CCDC62: variants seen among roughly 807,000 people sequenced by gnomAD.
CCDC62 encodes the protein coiled-coil domain-containing protein 62.
A neutral mutation model predicts 80.8 loss-of-function variants in CCDC62; 72 were observed. The ratio of observed to expected loss-of-function variants is 0.89; its 90% CI spans 0.74 to 1.08. The LOEUF (loss-of-function observed/expected upper bound fraction) is 1.08. CCDC62 is among the 50% of genes least tolerant of loss of function. The pLI is 0.00. For missense variants in CCDC62, 704 were observed against 809.4 expected (o/e 0.87, Z 1.58); for synonymous variants, 286 against 296.5 (o/e 0.96, Z 0.36).
chr12:122,781,640 G>A (rs1043366714), intron 3 of CCDC62, among the ~76,000 whole-genome samples: 17 of 151,688 alleles, frequency 1.1e-4, no homozygotes, highest in South Asian at 6.2e-4. Context: ...AGCCAAGATC[G>A]CGCCATTGCA....
chr12:122,791,869 G>A (rs2030629772), intron 5 of CCDC62, 151 bp from the exon 6 acceptor site: 2 of 633,142 alleles, frequency 3.2e-6, no homozygotes, highest in Non-Finnish European at 5.6e-6. Context: ...TCCTTGCCAG[G>A]TGTGGAGATG....
chr12:122,775,614 CTTAT>C (rs914862300), intron 1 of CCDC62, among the ~76,000 whole-genome samples: 85 of 152,188 alleles, frequency 5.6e-4, no homozygotes, highest in African/African-American at 1.8e-3. Flanking sequence ...ATTCATCATT[CTTAT>C]TTATTTATTT....
At chr12:122,789,974 C>T (rs145656712) in intron 5 of CCDC62, among the ~76,000 whole-genome samples, 157 of 152,008 alleles carry the variant, frequency 1.0e-3, no homozygotes, top group African/African-American at 3.5e-3. Flanking sequence ...TTATATACAC[C>T]GAGGTAAAAT....
At chr12:122,787,090 G>T (rs1383211771) in intron 4 of CCDC62, among the ~76,000 whole-genome samples, 1 of 152,198 alleles carries the variant, frequency 6.6e-6, no homozygotes, top group Non-Finnish European at 1.5e-5. Flanking sequence ...AAAGCTATAG[G>T]TATGTCTGAA....
chr12:122,783,559 C>T (rs541846402), intron 3 of CCDC62, among the ~76,000 whole-genome samples: 170 of 152,022 alleles, frequency 1.1e-3, no homozygotes, highest in African/African-American at 4.0e-3. Flanking sequence ...ATTTCATATA[C>T]GTCTTGGTAA....
chr12:122,792,821 T>G (rs2030712130), intron 6 of CCDC62, among the ~76,000 whole-genome samples: 1 of 152,144 alleles, frequency 6.6e-6, no homozygotes, highest in Non-Finnish European at 1.5e-5. Flanking sequence ...CCAGGCCTTT[T>G]TGTTTGTTTT....
Position 122,792,074 on chromosome 12 carries a change from G to C in CCDC62, c.725G>C (p.Arg242Pro). 1 of 1,613,924 alleles carries C rather than the reference G, an allele frequency of 6.2e-7. No individual in the cohort carries two copies. The highest frequency in any genetic ancestry group is 8.5e-7 in the Non-Finnish European group (1 of 1,179,906). ...AATGAGCAACGAGAAGAGATCATTC[G>C]CCTCAAGCAAGAGAAAAGTTGCCTG... Reference protein sequence around the residue: ...ENNEQREEIIRLKQEKSCLHD... With the variant: ...ENNEQREEIIPLKQEKSCLHD... Residue 242 changes from arginine to proline, a missense_variant, in exon 6 of 13, where the codon CGC becomes CCC. Coordinates refer to ENST00000253079, the MANE Select transcript of CCDC62 (RefSeq NM_201435.5).
intron 6 of CCDC62, among the ~76,000 whole-genome samples, chr12:122,792,472 C>A (rs1351342029): frequency 1.3e-5 from 2 of 151,516 alleles, no homozygotes; most frequent in Non-Finnish European, 2.9e-5. Flanking sequence ...GATCTACGGG[C>A]CTTGGCCTTC....
chr12:122,781,183 T>G lies in CCDC62; in HGVS notation c.249T>G (p.Thr83=). Residue 83 remains threonine (T), a synonymous_variant, in exon 3 of 13, where the codon ACT becomes ACG. Transcript: ENST00000253079. The part of the protein sequence containing the change: ...SKLEGELHKR[T]EIIRSLTKKV... Reference sequence around the variant, plus strand: ...CCTCAGGTGAACTACATAAAAGAACTGAAATAATCAGGTCACTCACGAAGA... The same window carrying G: ...CCTCAGGTGAACTACATAAAAGAACGGAAATAATCAGGTCACTCACGAAGA... 6.2e-7 allele frequency: 1 copy of G among 1,613,208 alleles called. No homozygotes were observed. The highest frequency in any genetic ancestry group is 8.5e-7 in the Non-Finnish European group (1 of 1,179,734).
rs1050832072 is a variant in CCDC62 at position 122,827,124 on chromosome 12, T to G, written c.*743T>G. 13 of 152,206 alleles carry G rather than the reference T, an allele frequency of 8.5e-5. No homozygotes were observed. Among genetic ancestry groups the G allele is most frequent in the African/African-American group, 2.9e-4 (12 of 41,464 alleles). 9.4% of individuals were successfully genotyped at this position (152,206 alleles called of 1,614,324 possible). On this transcript the variant is annotated 3_prime_UTR_variant, in exon 13 of 13. Coordinates refer to ENST00000253079, the MANE Select transcript of CCDC62 (RefSeq NM_201435.5). ...TTTAACTTGTAAAGTAATTTAATTT[T>G]TTAAAGATTATACTATATGCCTCTG...
chr12:122,821,184 T>C (rs187522435), intron 11 of CCDC62, among the ~76,000 whole-genome samples: 6 of 152,308 alleles, frequency 3.9e-5, no homozygotes, highest in Admixed American at 6.5e-5. Context: ...GCTTAACTAC[T>C]GACCACTGTT....
chr12:122,806,102 A>T, intron 9 of CCDC62, 49 bp from the exon 10 acceptor site: 2 of 1,544,046 alleles, frequency 1.3e-6, no homozygotes, highest in Non-Finnish European at 1.8e-6. Context: ...TGATCTATGT[A>T]TGATATTGTT....
chr12:122,802,163 G>T (rs1184002326), intron 9 of CCDC62, among the ~76,000 whole-genome samples: 1 of 152,138 alleles, frequency 6.6e-6, no homozygotes, highest in Non-Finnish European at 1.5e-5. Flanking sequence ...AAGCAAACGG[G>T]TGGATCGCTG....
At chr12:122,794,366 T>A (rs2030809120) in intron 6 of CCDC62, among the ~76,000 whole-genome samples, 1 of 151,916 alleles carries the variant, frequency 6.6e-6, no homozygotes, top group African/African-American at 2.4e-5. Flanking sequence ...GCCTAATTTT[T>A]AAATTTTTTG....
intron 10 of CCDC62, among the ~76,000 whole-genome samples, chr12:122,811,886 G>A (rs2031908455): frequency 6.8e-6 from 1 of 146,148 alleles, no homozygotes; most frequent in South Asian, 2.2e-4. Flanking sequence ...GCAATTGGCA[G>A]TGACTAATTT....
rs2031749859 is a variant in CCDC62, at chr12:122,809,081, C to G, written c.1851+2786C>G. ...TTCGATTTCAACTGATAGAGAAGTTCTAGCCAGTTATTCAATCCCAAAGAG... is the reference window on the plus strand; with the variant it reads ...TTCGATTTCAACTGATAGAGAAGTTGTAGCCAGTTATTCAATCCCAAAGAG... On this transcript the variant is annotated intron_variant, in intron 10 of 12. Transcript: ENST00000253079. Among the ~76,000 whole-genome samples, 3 of 152,360 alleles carry G rather than the reference C, an allele frequency of 2.0e-5. No individual in the cohort carries two copies. In the South Asian group the frequency reaches 6.2e-4, roughly 32 times the overall value.
At chr12:122,814,129 A>T (rs1433404004) in intron 11 of CCDC62, among the ~76,000 whole-genome samples, 1 of 151,764 alleles carries the variant, frequency 6.6e-6, no homozygotes, top group African/African-American at 2.4e-5. Flanking sequence ...TAAAAATACA[A>T]AATTAGCCGG....
At position 122,821,308 on chromosome 12, in the gene CCDC62, T is replaced by C. The variant is rs145909366; in HGVS notation, c.2002-2058T>C. 7.5e-3 allele frequency among the ~76,000 whole-genome samples: 1,137 copies of C among 152,288 alleles called. 18 individuals carry two copies. The highest frequency in any genetic ancestry group is 0.025 in the African/African-American group (1,023 of 41,544). ...CAGCGTTTAGCTGTAACACACATGG[T>C]GAAGCAGACAGAGAAGTCCTTCCAG... On this transcript the variant is annotated intron_variant, in intron 11 of 12. Transcript: ENST00000253079.
At position 122,799,154 on chromosome 12, in the gene CCDC62, C is replaced by T. The variant is rs186435522; in HGVS notation, c.977+954C>T. Among the ~76,000 whole-genome samples, 468 of 152,146 alleles carry T rather than the reference C, an allele frequency of 3.1e-3. 7 individuals carry two copies. The highest frequency in any genetic ancestry group is 6.9e-4 in the Non-Finnish European group (47 of 67,996). On this transcript the variant is annotated intron_variant, in intron 8 of 12. Transcript: ENST00000253079. ...AATAATGATTGTCATAATCCTCAGT[C>T]GCAGGAAGACCCAATCTAAGAATTT...
Sources: gnomAD v4.1 joint callset for allele counts (sites outside exome capture counted in the v4.1 genomes callset) on GRCh38, gnomAD v4.1.1 for gene constraint, MANE v1.5 for transcripts, NCBI Gene and HGNC (gene_info 2026-07-23, HGNC 2026-07-21) for gene names.